Variants in RASGRF1 observed in about 807,000 individuals in gnomAD.
RASGRF1 encodes the protein Ras protein specific guanine nucleotide releasing factor 1, also known as ras-specific guanine nucleotide-releasing factor 1.
A neutral mutation model predicts 138.7 loss-of-function variants in RASGRF1; 40 were observed. That is an observed-to-expected ratio of 0.29 (90% confidence interval 0.22 to 0.38). The LOEUF (loss-of-function observed/expected upper bound fraction) is 0.38, where lower values mean the gene tolerates loss of function less well. Among genes scored for constraint, RASGRF1 ranks in the 10% least tolerant of loss-of-function variants. RASGRF1 has a pLI of 1.00. For missense variants in RASGRF1, 1,108 were observed against 1,650.4 expected, an observed-to-expected ratio of 0.67 and a Z score of 5.69; for synonymous variants, 614 against 663.2, an observed-to-expected ratio of 0.93 and a Z score of 1.14.
chr15:78,989,374 G>T (rs2056223922), intron 22 of RASGRF1, among the ~76,000 whole-genome samples: 1 of 152,186 alleles, frequency 6.6e-6, no homozygotes, highest in African/African-American at 2.4e-5. Flanking sequence ...GGGGCTGGAG[G>T]AGCTGGATAT....
At chr15:79,018,283 C>T (rs773891229) in intron 11 of RASGRF1, among the ~76,000 whole-genome samples, 2 of 152,260 alleles carry the variant, frequency 1.3e-5, no homozygotes, top group Non-Finnish European at 2.9e-5. Context: ...CAGCCAGGCC[C>T]TCCTGCTACC....
At chr15:79,058,581 A>G in intron 2 of RASGRF1, 100 bp from the exon 3 acceptor site, 4 of 1,458,070 alleles carry the variant, frequency 2.7e-6, no homozygotes, top group South Asian at 2.6e-5. Flanking sequence ...ACCCACCTGC[A>G]CTTAGCAGAA....
intron 15 of RASGRF1, among the ~76,000 whole-genome samples, chr15:79,002,951 C>T (rs542367434): frequency 6.6e-6 from 1 of 152,222 alleles, no homozygotes; most frequent in African/African-American, 2.4e-5. Flanking sequence ...CGTGTGTGCA[C>T]GTGCTCTCAT....
intron 4 of RASGRF1, among the ~76,000 whole-genome samples, chr15:79,047,913 G>A (rs1262560233): frequency 6.6e-6 from 1 of 152,186 alleles, no homozygotes; most frequent in Admixed American, 6.5e-5. Context: ...TTGTCCAGGG[G>A]CAGACCTGCT....
chr15:78,976,133 ATCAGAGGTCC>A (rs2055865467), intron 24 of RASGRF1, among the ~76,000 whole-genome samples: 1 of 152,034 alleles, frequency 6.6e-6, no homozygotes, highest in Non-Finnish European at 1.5e-5. Context: ...AGTGAAAAGG[ATCAGAGGTCC>A]TCTGATCACT....
At chr15:79,004,997 T>C (rs905415288) in intron 14 of RASGRF1, 5 of 985,560 alleles carry the variant, frequency 5.1e-6, no homozygotes, top group Non-Finnish European at 6.0e-6. Flanking sequence ...CTCTTTGTTC[T>C]GCAGGGCACT....
chr15:79,087,909 C>T (rs895595552), intron 1 of RASGRF1, among the ~76,000 whole-genome samples: 5 of 152,180 alleles, frequency 3.3e-5, no homozygotes, highest in Non-Finnish European at 7.3e-5. Flanking sequence ...ACTTTTAACC[C>T]GGTTCTGTTC....
intron 1 of RASGRF1, among the ~76,000 whole-genome samples, chr15:79,075,142 G>A (rs2057815867): frequency 6.6e-6 from 1 of 152,182 alleles, no homozygotes; most frequent in Non-Finnish European, 1.5e-5. Context: ...CCAATGGGCA[G>A]CCAAGGTTGA....
chr15:78,994,934 T>G (rs932808999), intron 20 of RASGRF1, among the ~76,000 whole-genome samples: 1 of 151,176 alleles, frequency 6.6e-6, no homozygotes, highest in African/African-American at 2.4e-5. Flanking sequence ...ACCTTTTTTT[T>G]TTTTTTTTTT....
At chr15:79,088,680 C>T (rs1457449283) in intron 1 of RASGRF1, among the ~76,000 whole-genome samples, 4 of 152,142 alleles carry the variant, frequency 2.6e-5, no homozygotes, top group South Asian at 2.1e-4. Flanking sequence ...GCTTGGGCTG[C>T]AGGCCCCGGG....
At chr15:79,015,813 G>A (rs376873332) in intron 12 of RASGRF1, among the ~76,000 whole-genome samples, 80 of 152,324 alleles carry the variant, frequency 5.3e-4, no homozygotes, top group African/African-American at 1.7e-3. Flanking sequence ...TCTCTCCTGG[G>A]AGGCCAGCCC....
intron 14 of RASGRF1, chr15:79,005,243 C>T (rs879081340): frequency 3.0e-5 from 30 of 985,474 alleles, no homozygotes; most frequent in Middle Eastern, 5.2e-4. Flanking sequence ...TATTCTGGGT[C>T]GTTGCGTTGC....
intron 17 of RASGRF1, among the ~76,000 whole-genome samples, chr15:78,999,052 C>T (rs146262959): frequency 6.6e-6 from 1 of 152,198 alleles, no homozygotes; most frequent in African/African-American, 2.4e-5. Flanking sequence ...CAGACCTCTC[C>T]ATCTTTCAAG....
At chr15:79,015,276 T>C in intron 13 of RASGRF1, 51 bp downstream of exon 13, 2 of 1,538,234 alleles carry the variant, frequency 1.3e-6, no homozygotes, top group South Asian at 1.1e-5. Context: ...CACCTTGTGG[T>C]ACTCAGTCTC....
At chr15:78,996,802 A>T (rs2056403884) in intron 19 of RASGRF1, among the ~76,000 whole-genome samples, 1 of 152,166 alleles carries the variant, frequency 6.6e-6, no homozygotes, top group Non-Finnish European at 1.5e-5. Context: ...TGGAGGCCTG[A>T]AAGAGATTTT....
intron 25 of RASGRF1, among the ~76,000 whole-genome samples, chr15:78,972,252 C>T (rs567590975): frequency 5.3e-5 from 8 of 151,920 alleles, no homozygotes; most frequent in African/African-American, 7.3e-5. Context: ...CATGCCACCA[C>T]GCCCGGCTAA....
chr15:79,004,702 G>A (rs1395369805), intron 14 of RASGRF1: 3 of 985,910 alleles, frequency 3.0e-6, no homozygotes, highest in Non-Finnish European at 3.6e-6. Flanking sequence ...ATGGGAAGCT[G>A]AAAGTGGCCC....
At chr15:79,066,704 G>A (rs1468648454) in intron 1 of RASGRF1, among the ~76,000 whole-genome samples, 1 of 152,184 alleles carries the variant, frequency 6.6e-6, no homozygotes, top group East Asian at 1.9e-4. Flanking sequence ...CATGTGTACT[G>A]GAATCCCCTA....
At chr15:79,062,169 C>G (rs1392179690) in intron 2 of RASGRF1, among the ~76,000 whole-genome samples, 1 of 152,182 alleles carries the variant, frequency 6.6e-6, no homozygotes, top group Non-Finnish European at 1.5e-5. Context: ...TCAATGTAGT[C>G]CTGGTTATCA....
Sources: allele counts gnomAD v4.1 joint callset (sites outside exome capture counted in the v4.1 genomes callset), GRCh38; gene constraint gnomAD v4.1.1; transcripts MANE v1.5; gene names NCBI Gene and HGNC (gene_info 2026-07-23, HGNC 2026-07-21).